The following PUDP variants were observed in gnomAD, a reference collection of about 807,000 sequenced individuals.
PUDP encodes the protein pseudouridine 5'-phosphatase.
A neutral mutation model predicts 9.4 loss-of-function variants in PUDP; 8 were observed. That is an observed-to-expected ratio of 0.85 (90% CI 0.50 to 1.53). The LOEUF (loss-of-function observed/expected upper bound fraction) is 1.53. Ranked by LOEUF, PUDP falls within the 40% of genes most tolerant of loss-of-function variation. The pLI, the probability that PUDP is intolerant of heterozygous loss-of-function variation, is 0.00. For missense variants in PUDP, 188 were observed against 189.7 expected, an observed-to-expected ratio of 0.99 and a Z score of 0.05; for synonymous variants, 99 against 80.7, an observed-to-expected ratio of 1.23 and a Z score of -1.22.
At chrX:7,134,153 T>C (rs1183862273) in intron 1 of PUDP, among the ~76,000 whole-genome samples, 2 of 112,280 alleles carry the variant, frequency 1.8e-5, no homozygotes, top group African/African-American at 6.5e-5. Context: ...GTCAATGAGA[T>C]GGGCCAGGCT....
At chrX:6,771,865 G>A (rs185142017) in intron 3 of PUDP, among the ~76,000 whole-genome samples, 1 of 112,434 alleles carries the variant, frequency 8.9e-6, no homozygotes, top group Non-Finnish European at 1.9e-5. Context: ...AATGGCTGTA[G>A]CTGTGTGTCA....
intron 1 of PUDP, among the ~76,000 whole-genome samples, chrX:7,143,583 C>A (rs73627533): frequency 8.8e-4 from 98 of 111,995 alleles, no homozygotes; most frequent in African/African-American, 3.0e-3. Context: ...CAACCACTTA[C>A]TACAAGAACT....
At chrX:7,023,518 T>C (rs1476615340) in intron 1 of PUDP, among the ~76,000 whole-genome samples, 2 of 112,483 alleles carry the variant, frequency 1.8e-5, no homozygotes, top group Non-Finnish European at 3.8e-5. Context: ...TTAGGATGCA[T>C]GTATGTTTAT....
chrX:6,802,611 C>T (rs939803664), intron 3 of PUDP, among the ~76,000 whole-genome samples: 19 of 110,416 alleles, frequency 1.7e-4, no homozygotes, highest in African/African-American at 4.9e-4. Flanking sequence ...GGGCTGGGTG[C>T]GGTGGCTCAC....
chrX:6,873,537 C>T (rs1317658975), intron 3 of PUDP, among the ~76,000 whole-genome samples: 2 of 111,564 alleles, frequency 1.8e-5, no homozygotes, highest in Non-Finnish European at 3.8e-5. Flanking sequence ...TTTGTTTTTA[C>T]AGAGTAAGCC....
At chrX:7,093,967 G>A (rs1263930269) in intron 2 of PUDP, among the ~76,000 whole-genome samples, 2 of 110,271 alleles carry the variant, frequency 1.8e-5, no homozygotes, top group Admixed American at 9.7e-5. Flanking sequence ...TAATTAGCTG[G>A]GCATGGTGGC....
At chrX:7,022,632 G>T (rs985369620) in intron 1 of PUDP, among the ~76,000 whole-genome samples, 9 of 111,730 alleles carry the variant, frequency 8.1e-5, no homozygotes, top group African/African-American at 2.3e-4. Flanking sequence ...ATTTGACACT[G>T]CCAGGAACTG....
intron 3 of PUDP, among the ~76,000 whole-genome samples, chrX:6,800,468 T>C (rs1925914040): frequency 8.9e-6 from 1 of 111,994 alleles, no homozygotes; most frequent in African/African-American, 3.2e-5. Context: ...CTATTGGCTC[T>C]AGATAGAAAT....
chrX:6,893,254 G>C (rs186101596), intron 3 of PUDP, among the ~76,000 whole-genome samples: 1 of 111,887 alleles, frequency 8.9e-6, no homozygotes, highest in Admixed American at 9.5e-5. Context: ...CCAAGGACGT[G>C]ACCTTGAACC....
intron 2 of PUDP, among the ~76,000 whole-genome samples, chrX:7,082,074 T>G (rs781270023): frequency 1.8e-5 from 2 of 112,379 alleles, no homozygotes; most frequent in Non-Finnish European, 3.8e-5. Flanking sequence ...TGTGTATAAA[T>G]GAACTCCAGT....
chrX:7,039,771 T>A (rs929813771), intron 1 of PUDP, among the ~76,000 whole-genome samples: 11 of 112,631 alleles, frequency 9.8e-5, no homozygotes, highest in Non-Finnish European at 5.6e-5. Flanking sequence ...TTAAATAATG[T>A]ATAACAATGT....
chrX:6,747,546 G>A (rs1419236919), intron 3 of PUDP, among the ~76,000 whole-genome samples: 1 of 111,925 alleles, frequency 8.9e-6, no homozygotes, highest in Non-Finnish European at 1.9e-5. Context: ...GGAAATACAG[G>A]AAATAATATC....
intron 2 of PUDP, among the ~76,000 whole-genome samples, chrX:7,095,961 A>G (rs1931560182): frequency 8.9e-6 from 1 of 111,882 alleles, no homozygotes; most frequent in African/African-American, 3.3e-5. Flanking sequence ...CTCCATCACT[A>G]AGGAGGACAA....
intron 3 of PUDP, among the ~76,000 whole-genome samples, chrX:6,967,538 C>T (rs1928805583): frequency 9.0e-6 from 1 of 111,189 alleles, no homozygotes; most frequent in South Asian, 3.8e-4. Flanking sequence ...AAAATGTCCC[C>T]ACCTTCATTA....
intron 2 of PUDP, among the ~76,000 whole-genome samples, chrX:7,100,735 A>G (rs1022729873): frequency 3.6e-5 from 4 of 111,867 alleles, no homozygotes; most frequent in Middle Eastern, 4.6e-3. Flanking sequence ...AATGGAAACT[A>G]GGTCTCCAAG....
chrX:7,057,801 A>G, intron 3 of PUDP: 1 of 1,153,436 alleles, frequency 8.7e-7, no homozygotes, highest in South Asian at 1.9e-5. Context: ...TGCGGTGAGC[A>G]GACGAGGTCT....
At chrX:7,026,974 C>T (rs978674132) in intron 1 of PUDP, among the ~76,000 whole-genome samples, 18 of 111,674 alleles carry the variant, frequency 1.6e-4, no homozygotes, top group Non-Finnish European at 3.0e-4. Context: ...CCTAGATCTT[C>T]CCTTAGGAAG....
At chrX:7,064,667 C>T (rs978249321) in intron 3 of PUDP, among the ~76,000 whole-genome samples, 2 of 111,347 alleles carry the variant, frequency 1.8e-5, no homozygotes, top group Non-Finnish European at 3.8e-5. Context: ...GTTTGGAGAA[C>T]GGCACACAGA....
intron 3 of PUDP, among the ~76,000 whole-genome samples, chrX:6,793,144 C>T (rs1462388239): frequency 8.9e-6 from 1 of 112,612 alleles, no homozygotes; most frequent in Admixed American, 9.4e-5. Context: ...TAAATGGTGC[C>T]CTGTAGCTGT....
Sources: allele counts gnomAD v4.1 joint callset (sites outside exome capture counted in the v4.1 genomes callset), GRCh38; gene constraint gnomAD v4.1.1; transcripts MANE v1.5; gene names NCBI Gene and HGNC (gene_info 2026-07-23, HGNC 2026-07-21).